The following SYT1 variants were observed in gnomAD, a reference collection of about 807,000 sequenced individuals.
SYT1 encodes the protein synaptotagmin-1.
A neutral mutation model predicts 44.8 loss-of-function variants in SYT1; 8 were observed. The ratio of observed to expected loss-of-function variants is 0.18; its 90% CI spans 0.10 to 0.32. The LOEUF (loss-of-function observed/expected upper bound fraction) is 0.32, where lower values mean the gene tolerates loss of function less well. Ranked by LOEUF, SYT1 falls within the 10% of genes least tolerant of loss-of-function variation. SYT1 has a pLI of 1.00. For missense variants in SYT1, 286 were observed against 509.3 expected (o/e 0.56, Z 4.22); for synonymous variants, 154 against 188.8 (o/e 0.82, Z 1.51).
chr12:79,181,015 G>A (rs183677099), intron 3 of SYT1, among the ~76,000 whole-genome samples: 44 of 152,150 alleles, frequency 2.9e-4, no homozygotes, highest in Non-Finnish European at 6.0e-4. Context: ...CATTCTCCTT[G>A]CTGCCGCCAC....
intron 2 of SYT1, among the ~76,000 whole-genome samples, chr12:79,038,184 C>CACACATATATAT (rs1284190287): frequency 6.6e-6 from 1 of 150,784 alleles, no homozygotes; most frequent in Admixed American, 6.6e-5. Flanking sequence ...TATATACACA[C>CACACATATATAT]ACACATATAT....
intron 8 of SYT1, among the ~76,000 whole-genome samples, chr12:79,304,544 T>C (rs1463032632): frequency 1.3e-5 from 2 of 152,216 alleles, no homozygotes; most frequent in African/African-American, 4.8e-5. Flanking sequence ...TGTTAAAGGC[T>C]TATTTAGTGT....
intron 1 of SYT1, among the ~76,000 whole-genome samples, chr12:78,935,414 A>C (rs796765795): frequency 1.3e-5 from 2 of 152,314 alleles, no homozygotes; most frequent in South Asian, 4.1e-4. Flanking sequence ...TGTTTTCAGC[A>C]AACGACATTT....
intron 3 of SYT1, among the ~76,000 whole-genome samples, chr12:79,174,854 C>T (rs1042099607): frequency 1.3e-5 from 2 of 152,054 alleles, no homozygotes; most frequent in African/African-American, 4.8e-5. Flanking sequence ...TTTTTAGAGA[C>T]AGATACAAGG....
At chr12:78,942,698 G>T (rs919722539) in intron 1 of SYT1, among the ~76,000 whole-genome samples, 1 of 152,176 alleles carries the variant, frequency 6.6e-6, no homozygotes, top group Admixed American at 6.5e-5. Flanking sequence ...TTCAGTCTCT[G>T]GTTCTAATTA....
At chr12:79,158,652 C>A (rs1255202279) in intron 3 of SYT1, among the ~76,000 whole-genome samples, 1 of 152,080 alleles carries the variant, frequency 6.6e-6, no homozygotes, top group Non-Finnish European at 1.5e-5. Flanking sequence ...AATCCCAGCA[C>A]TTTAGGAGGC....
At chr12:78,909,107 A>G (rs1465693522) in intron 1 of SYT1, among the ~76,000 whole-genome samples, 1 of 151,894 alleles carries the variant, frequency 6.6e-6, no homozygotes, top group Non-Finnish European at 1.5e-5. Context: ...TGCACTGAGT[A>G]AATATATTAC....
chr12:79,244,672 C>A (rs1341912071), intron 4 of SYT1, among the ~76,000 whole-genome samples: 2 of 151,152 alleles, frequency 1.3e-5, no homozygotes, highest in African/African-American at 2.4e-5. Context: ...CCACTGCACT[C>A]CAGCCTGGAC....
chr12:79,210,590 A>G (rs1317063142), intron 3 of SYT1, among the ~76,000 whole-genome samples: 2 of 152,132 alleles, frequency 1.3e-5, no homozygotes, highest in Non-Finnish European at 1.5e-5. Flanking sequence ...ATTCCTTTTC[A>G]TGGCTGAGTA....
At chr12:79,015,067 G>A (rs1040592052) in intron 2 of SYT1, among the ~76,000 whole-genome samples, 2 of 151,894 alleles carry the variant, frequency 1.3e-5, no homozygotes, top group East Asian at 3.9e-4. Flanking sequence ...GTTGTAGGGT[G>A]GGGGGAGAGG....
At chr12:79,348,997 AG>A (rs1882739321) in intron 8 of SYT1, among the ~76,000 whole-genome samples, 7 of 72,746 alleles carry the variant, frequency 9.6e-5, no homozygotes, top group African/African-American at 4.0e-4. Flanking sequence ...GAAAGAGAGA[AG>A]GAAAGAAAGA....
At chr12:78,947,928 T>G (rs2137281013) in intron 1 of SYT1, among the ~76,000 whole-genome samples, 1 of 152,036 alleles carries the variant, frequency 6.6e-6, no homozygotes. Context: ...TCTATTAAAA[T>G]CCCTTCATAG....
intron 3 of SYT1, among the ~76,000 whole-genome samples, chr12:79,069,467 A>T (rs1352317665): frequency 6.6e-6 from 1 of 151,934 alleles, no homozygotes; most frequent in Non-Finnish European, 1.5e-5. Context: ...ATTTGTCTAT[A>T]CATGTTTCTA....
At chr12:79,149,085 C>T (rs1249467937) in intron 3 of SYT1, among the ~76,000 whole-genome samples, 1 of 151,968 alleles carries the variant, frequency 6.6e-6, no homozygotes, top group Non-Finnish European at 1.5e-5. Context: ...CTTTATTCTT[C>T]TGAGAGGGCT....
At chr12:79,278,802 A>G (rs894738566) in intron 4 of SYT1, among the ~76,000 whole-genome samples, 2 of 152,032 alleles carry the variant, frequency 1.3e-5, no homozygotes, top group African/African-American at 2.4e-5. Flanking sequence ...AATAAGCTCA[A>G]TCAGAAATGA....
At chr12:79,401,658 CA>C (rs2136114782) in intron 9 of SYT1, among the ~76,000 whole-genome samples, 1 of 150,010 alleles carries the variant, frequency 6.7e-6, no homozygotes, top group South Asian at 2.1e-4. Context: ...TAAAACTCAA[CA>C]AAACTCAAAC....
chr12:78,888,136 CCTTT>C (rs1014820297), intron 1 of SYT1, among the ~76,000 whole-genome samples: 4 of 151,642 alleles, frequency 2.6e-5, no homozygotes, highest in African/African-American at 9.7e-5. Flanking sequence ...ATTTTTAAAT[CCTTT>C]CTTAAGAAAT....
intron 2 of SYT1, among the ~76,000 whole-genome samples, chr12:79,040,690 T>G (rs2137721980): frequency 6.6e-6 from 1 of 152,316 alleles, no homozygotes; most frequent in South Asian, 2.1e-4. Context: ...GGACATGAAG[T>G]CCTTGCCCAT....
Position 78,963,604 on chromosome 12 carries a change from C to T in SYT1, c.-216-14195C>T, listed in dbSNP as rs541809546. On this transcript the variant is annotated intron_variant, in intron 1 of 10. Coordinates refer to ENST00000261205, the MANE Select transcript of SYT1 (RefSeq NM_005639.3). Reference sequence around the variant, plus strand: ...AAATCATTAGGAAAATGCAAATCAACACCAGAGATATCACCTCACACCTGT... The same window carrying T: ...AAATCATTAGGAAAATGCAAATCAATACCAGAGATATCACCTCACACCTGT... 2.0e-5 allele frequency among the ~76,000 whole-genome samples: 3 copies of T among 152,078 alleles called. No individual in the cohort carries two copies. The South Asian group carries it at 6.2e-4, about 32-fold the overall frequency.
Sources: gnomAD v4.1 joint callset for allele counts (sites outside exome capture counted in the v4.1 genomes callset) on GRCh38, gnomAD v4.1.1 for gene constraint, MANE v1.5 for transcripts, NCBI Gene and HGNC (gene_info 2026-07-23, HGNC 2026-07-21) for gene names.